Variants in PTPRB observed in about 807,000 individuals in gnomAD.
The protein encoded by PTPRB is receptor-type tyrosine-protein phosphatase beta.
A neutral mutation model predicts 238.1 loss-of-function variants in PTPRB; 97 were observed. That is an observed-to-expected ratio of 0.41 (90% CI 0.35 to 0.48). The LOEUF (loss-of-function observed/expected upper bound fraction) is 0.48, where lower values mean the gene tolerates loss of function less well. Among genes scored for constraint, PTPRB ranks in the 20% least tolerant of loss-of-function variants. PTPRB has a pLI of 0.30. For missense variants in PTPRB, 2,292 were observed against 2,681.9 expected (o/e 0.85, Z 3.21); for synonymous variants, 970 against 995.4 (o/e 0.97, Z 0.48).
At chr12:70,626,285 GTCTATCCATCCATCTATCTATCTA>G (rs1463945238) in intron 2 of PTPRB, among the ~76,000 whole-genome samples, 5 of 142,566 alleles carry the variant, frequency 3.5e-5, no homozygotes, top group African/African-American at 1.3e-4. Flanking sequence ...AAAGGATGAT[GTCTATCCATCCATCTATCTATCTA>G]TCTATCTATC....
Position 70,632,543 on chromosome 12 carries a change from A to G in PTPRB, c.451+3128T>C, listed in dbSNP as rs1364631032. On this transcript the variant is annotated intron_variant, in intron 2 of 33. Coordinates refer to ENST00000334414, the MANE Select transcript of PTPRB (RefSeq NM_001109754.4). ...GTATACCTATGTAACAAACCTGCAC[A>G]TTGTGCACATGCACCCTAGAACTTA... is the stretch of plus-strand genomic sequence containing the variant. Among the ~76,000 whole-genome samples, 17 of 151,922 alleles carry G rather than the reference A, an allele frequency of 1.1e-4. 1 individual carries two copies. The highest frequency in any genetic ancestry group is 1.1e-3 in the Admixed American group (17 of 15,222).
chr12:70,573,523 T>G (rs1458592298), intron 11 of PTPRB, among the ~76,000 whole-genome samples: 4 of 146,280 alleles, frequency 2.7e-5, no homozygotes, highest in African/African-American at 7.6e-5. Flanking sequence ...TTTTTTTTTT[T>G]TGAGACAGAA....
chr12:70,622,662 G>A lies in PTPRB; in HGVS notation c.452-16C>T, dbSNP rs765030307. 29 of 1,540,978 alleles carry A rather than the reference G, an allele frequency of 1.9e-5. No homozygotes were observed. The highest frequency in any genetic ancestry group is 3.4e-4 in the Middle Eastern group (2 of 5,856). ...CCCAGGCCAGCTGAGGTAAAGAAAA[G>A]ATAGTTGCAAAGATTATTCTCATGT... On this transcript the variant is annotated splice_polypyrimidine_tract_variant and intron_variant, in intron 2 of 33. Coordinates refer to ENST00000334414, the MANE Select transcript of PTPRB (RefSeq NM_001109754.4).
chr12:70,524,361 T>A (rs1025407), intron 33 of PTPRB, 110 bp downstream of exon 33: 3 of 1,207,770 alleles, frequency 2.5e-6, no homozygotes, highest in East Asian at 2.8e-5. Flanking sequence ...GTGATCCTCC[T>A]GCCTCAGCCT....
At chr12:70,545,859 G>A (rs1292066853) in intron 21 of PTPRB, among the ~76,000 whole-genome samples, 1 of 152,208 alleles carries the variant, frequency 6.6e-6, no homozygotes, top group African/African-American at 2.4e-5. Context: ...GAGACAGGCT[G>A]GGAGCGGTGG....
At chr12:70,543,905 T>TGTCA (rs1408310509) in intron 22 of PTPRB, among the ~76,000 whole-genome samples, 2 of 152,192 alleles carry the variant, frequency 1.3e-5, no homozygotes, top group Non-Finnish European at 2.9e-5. Context: ...CTCAAAAGAC[T>TGTCA]GTCATGAGAA....
At position 70,569,769 on chromosome 12, in the gene PTPRB, C is replaced by T. The variant is rs372359958; in HGVS notation, c.3540G>A (p.Thr1180=). The change falls in exon 14 of 34, where the codon ACG becomes ACA. Residue 1180 remains threonine (T), a synonymous_variant. Transcript: ENST00000334414. ...GCTCCCCGGCCTCCAGTCTGTGGAACGTGTGCTCAAAGACGTGCTTGGGAA... is the reference window on the plus strand; with the variant it reads ...GCTCCCCGGCCTCCAGTCTGTGGAATGTGTGCTCAAAGACGTGCTTGGGAA... ...QTIPKHVFEH[T]FHRLEAGEQY... is the part of the protein sequence containing the mutation. The T allele has an allele frequency of 1.0e-4, 162 of 1,613,920 alleles. No homozygotes were observed. The African/African-American group carries it at 1.5e-3, about 15-fold the overall frequency.
chr12:70,609,417 G>C, intron 3 of PTPRB, 78 bp from the exon 4 acceptor site: 1 of 1,514,986 alleles, frequency 6.6e-7, no homozygotes, highest in Non-Finnish European at 8.9e-7. Context: ...AGCTCCTCAA[G>C]CCACACTTTC....
At chr12:70,571,418 C>T in intron 12 of PTPRB, 129 bp from the exon 13 acceptor site, 1 of 934,076 alleles carries the variant, frequency 1.1e-6, no homozygotes, top group Non-Finnish European at 1.6e-6. Flanking sequence ...AGCACTACTT[C>T]ATGCATAATT....
At chr12:70,631,496 T>C (rs1212845627) in intron 2 of PTPRB, among the ~76,000 whole-genome samples, 1 of 152,142 alleles carries the variant, frequency 6.6e-6, no homozygotes, top group Non-Finnish European at 1.5e-5. Flanking sequence ...ACCTAGGCAA[T>C]ACCATTCAGG....
At chr12:70,608,878 A>G (rs1884186774) in intron 4 of PTPRB, 191 bp downstream of exon 4, 1 of 778,222 alleles carries the variant, frequency 1.3e-6, no homozygotes, top group Non-Finnish European at 2.0e-6. Flanking sequence ...GCACTAAGGG[A>G]GTCTCTGAAA....
chr12:70,581,370 G>C (rs1881376819), intron 9 of PTPRB, 68 bp from the exon 10 acceptor site: 1 of 1,459,342 alleles, frequency 6.9e-7, no homozygotes, highest in Admixed American at 2.4e-5. Context: ...AGAAAAATGA[G>C]TCAAAAAATG....
rs6581949 is a variant in PTPRB, at chr12:70,596,356, A to C, written c.980-29T>G. The stretch of plus-strand genomic sequence containing the variant: ...CAAGGCAAATACACACACACACACA[A>C]AAAAAAAAAAGAAAGAAAAAGAAAA... On this transcript the variant is annotated intron_variant, in intron 4 of 33. Transcript: ENST00000334414. 69,962 of 856,368 alleles carry C rather than the reference A, an allele frequency of 0.082. 2,269 individuals are homozygous for C. The highest frequency in any genetic ancestry group is 0.25 in the African/African-American group (12,781 of 51,486). The allele number at this position is 856,368 out of a possible 1,614,324, so 53.0% of individuals were successfully genotyped here.
chr12:70,559,433 G>A lies in PTPRB; in HGVS notation c.4624C>T (p.Pro1542Ser), dbSNP rs1258962223. 1 of 1,613,948 alleles carries A rather than the reference G, an allele frequency of 6.2e-7. No individual in the cohort carries two copies. The highest frequency in any genetic ancestry group is 1.7e-5 in the Admixed American group (1 of 60,016). ...ACGTTGAATTGATAGGATCTCCCTG[G>A]ACGAAGACCATACACAATGCGTCCT... Reference protein sequence around the residue: ...SEGRIVYGLRPGRSYQFNVKT... With the variant: ...SEGRIVYGLRSGRSYQFNVKT... Residue 1542 changes from proline (P) to serine (S), a missense_variant, in exon 18 of 34, where the codon CCA becomes TCA. Physicochemically the swap from Pro to Ser is moderately conservative, Grantham distance 74 (BLOSUM62 -1). Coordinates refer to ENST00000334414, the MANE Select transcript of PTPRB (RefSeq NM_001109754.4).
intron 3 of PTPRB, among the ~76,000 whole-genome samples, chr12:70,610,008 C>T (rs945381695): frequency 6.6e-6 from 1 of 151,906 alleles, no homozygotes; most frequent in Admixed American, 6.6e-5. Flanking sequence ...CCCGGGCGGG[C>T]TGCGGACGCG....
intron 10 of PTPRB, among the ~76,000 whole-genome samples, chr12:70,579,336 A>C (rs2136414309): frequency 6.6e-6 from 1 of 152,274 alleles, no homozygotes; most frequent in Admixed American, 6.5e-5. Context: ...ACCTACCCCC[A>C]AGTATGCTAC....
At chr12:70,548,318 ACTCTCT>A (rs71457058) in intron 21 of PTPRB, among the ~76,000 whole-genome samples, 1,329 of 127,858 alleles carry the variant, frequency 0.01, 21 homozygotes, top group African/African-American at 0.036. Context: ...ACACAGCAAG[ACTCTCT>A]CTCTCTCTCT....
chr12:70,594,284 G>T (rs1882781877), intron 6 of PTPRB, among the ~76,000 whole-genome samples, 183 bp downstream of exon 6: 1 of 152,190 alleles, frequency 6.6e-6, no homozygotes, highest in Non-Finnish European at 1.5e-5. Context: ...CCAAGGGCTA[G>T]CCTAAACTTT....
intron 14 of PTPRB, among the ~76,000 whole-genome samples, chr12:70,568,224 T>C (rs1879558778): frequency 6.6e-6 from 1 of 152,184 alleles, no homozygotes; most frequent in Non-Finnish European, 1.5e-5. Flanking sequence ...TTACTGTAAT[T>C]GCCTTTTTAC....
Sources: gnomAD v4.1 joint callset for allele counts (sites outside exome capture counted in the v4.1 genomes callset) on GRCh38, gnomAD v4.1.1 for gene constraint, MANE v1.5 for transcripts, NCBI Gene and HGNC (gene_info 2026-07-23, HGNC 2026-07-21) for gene names.